The following OSBPL7 variants were observed in gnomAD, a reference collection of about 807,000 sequenced individuals.
The protein encoded by OSBPL7 is oxysterol binding protein like 7, also known as oxysterol-binding protein-related protein 7.
Under a neutral mutation model 115.8 loss-of-function variants are expected in OSBPL7, and 66 were observed. The ratio of observed to expected loss-of-function variants is 0.57; its 90% CI spans 0.47 to 0.70. The LOEUF is 0.70. OSBPL7 is among the 30% of genes least tolerant of loss of function. The pLI is 0.00. For synonymous variants in OSBPL7, 441 were observed against 439.2 expected (o/e 1.00, Z -0.05); for missense variants, 902 against 1,125.5 (o/e 0.80, Z 2.84).
rs182804531 is a variant in OSBPL7 at position 47,808,767 on chromosome 17, T to C, written c.2297+97A>G. ...GTCCTCTAGACAAGCCCCACTTCTC[T>C]GAGGCCACTCAGTGAAGGAAGGACA... On this transcript the variant is annotated intron_variant, in intron 21 of 22. Coordinates refer to ENST00000007414, the MANE Select transcript of OSBPL7 (RefSeq NM_145798.3). The surrounding 1 kb of genome is among the most constrained non-coding windows in gnomAD (Gnocchi z 6.1). 13 of 1,602,374 alleles carry C rather than the reference T, an allele frequency of 8.1e-6. No individual in the cohort carries two copies. The East Asian group carries it at 1.1e-4, about 14-fold the overall frequency.
Position 47,817,249 on chromosome 17 carries a change from A to T in OSBPL7, c.702+7T>A, listed in dbSNP as rs1205219119. On this transcript the variant is annotated splice_region_variant and intron_variant, in intron 8 of 22. Transcript: ENST00000007414. ...AGCAGGACCCTGTGTGTACCCCTGGATCTTACCTGGTGTGTGGGGATAACA... is the reference window on the plus strand; with the variant it reads ...AGCAGGACCCTGTGTGTACCCCTGGTTCTTACCTGGTGTGTGGGGATAACA... The T allele has an allele frequency of 1.3e-6, 2 of 1,583,466 alleles. No individual in the cohort carries two copies. Among genetic ancestry groups the T allele is most frequent in the African/African-American group, 2.7e-5 (2 of 72,768 alleles).
intron 16 of OSBPL7, 45 bp from the exon 17 acceptor site, chr17:47,810,880 T>C: frequency 6.3e-7 from 1 of 1,588,602 alleles, no homozygotes; most frequent in Non-Finnish European, 8.6e-7. Flanking sequence ...CCGAGCACCA[T>C]TAGGCTACCC....
At chr17:47,819,812 C>G (rs778579076) in intron 3 of OSBPL7, 30 bp from the exon 4 acceptor site, 6 of 1,613,864 alleles carry the variant, frequency 3.7e-6, no homozygotes, top group Non-Finnish European at 5.1e-6. Context: ...TGACAGGACC[C>G]GGGAGGCCGA....
At chr17:47,818,452 G>A in intron 6 of OSBPL7, 54 bp downstream of exon 6, 1 of 1,589,468 alleles carries the variant, frequency 6.3e-7, no homozygotes, top group Non-Finnish European at 8.6e-7. Flanking sequence ...GTTCTCCATA[G>A]CCCTTGCCCC....
chr17:47,814,379 C>T, intron 14 of OSBPL7, 142 bp downstream of exon 14: 3 of 741,418 alleles, frequency 4.0e-6, no homozygotes, highest in Non-Finnish European at 6.6e-6. Flanking sequence ...ACCTGGCCTT[C>T]CTTAGCTCCT....
chr17:47,814,653 T>TC lies in OSBPL7; in HGVS notation c.1258-40dup, dbSNP rs749018458. 6 of 1,589,862 alleles carry TC rather than the reference T, an allele frequency of 3.8e-6. No homozygotes were observed. In the African/African-American group the frequency reaches 5.4e-5, roughly 14 times the overall value. ...GATGACAGGCCGGGCAGACTGGGCC[T>TC]CCCCCGGGCAGCTGGGCAGTGCCCA... On this transcript the variant is annotated intron_variant, in intron 13 of 22. Transcript: ENST00000007414.
chr17:47,809,532 G>A (rs562489973), intron 18 of OSBPL7, 54 bp from the exon 19 acceptor site: 1 of 1,579,112 alleles, frequency 6.3e-7, no homozygotes, highest in East Asian at 2.3e-5. Flanking sequence ...GAACAAGTGA[G>A]TCAGGGGCCT....
chr17:47,809,909 T>TTTTTTG (rs2032985802), intron 18 of OSBPL7, among the ~76,000 whole-genome samples: 1 of 126,970 alleles, frequency 7.9e-6, no homozygotes, highest in Non-Finnish European at 1.7e-5. Context: ...TTCTTTTCTT[T>TTTTTTG]TCTTTTTTTT....
At position 47,818,628 on chromosome 17, in the gene OSBPL7, A is replaced by G. The variant is rs892809170; in HGVS notation, c.370-12T>C. 3 of 1,607,804 alleles carry G rather than the reference A, an allele frequency of 1.9e-6. No homozygotes were observed. The highest frequency in any genetic ancestry group is 2.6e-6 in the Non-Finnish European group (3 of 1,176,438). On this transcript the variant is annotated splice_polypyrimidine_tract_variant and intron_variant, in intron 5 of 22. Coordinates refer to ENST00000007414, the MANE Select transcript of OSBPL7 (RefSeq NM_145798.3). ...TCCTGGGATTTGATCTGCAGAAGTGATGGAGAGGGGGAGGGCTATCTGAAG... is the reference window on the plus strand; with the variant it reads ...TCCTGGGATTTGATCTGCAGAAGTGGTGGAGAGGGGGAGGGCTATCTGAAG...
intron 2 of OSBPL7, 32 bp downstream of exon 2, chr17:47,820,172 G>A (rs1453733156): frequency 6.2e-7 from 1 of 1,613,580 alleles, no homozygotes; most frequent in East Asian, 2.2e-5. Flanking sequence ...TTCCAGCTTG[G>A]CCCACCCACC....
chr17:47,808,054 G>T lies in OSBPL7; in HGVS notation c.*237C>A. 1 of 568,474 alleles carries T rather than the reference G, an allele frequency of 1.8e-6. No homozygotes were observed. Among genetic ancestry groups the T allele is most frequent in the Non-Finnish European group, 3.2e-6 (1 of 316,730 alleles). The allele number at this position is 568,474 out of a possible 1,614,324, so 35.2% of individuals were successfully genotyped here. On this transcript the variant is annotated 3_prime_UTR_variant, in exon 23 of 23. Transcript: ENST00000007414. The surrounding 1 kb of genome is among the most constrained non-coding windows in gnomAD (Gnocchi z 6.1). ...TGAAGCGGGAAGGGTCTTACATGCT[G>T]GTTGTCTGGGGCAAGGAGACTGGGG...
chr17:47,818,601 G>C lies in OSBPL7; in HGVS notation c.385C>G (p.Leu129Val). ...IYHLKIKSQD[L>V]FQSWVAQLRA... is the part of the protein sequence containing the mutation. ...AGCTGCGCCACCCAGCTCTGGAATA[G>C]GTCCTGGGATTTGATCTGCAGAAGT... The change falls in exon 6 of 23, where the codon CTA becomes GTA. Residue 129 changes from leucine to valine, a missense_variant. By Grantham distance (32) the Leu-to-Val change is conservative (BLOSUM62 1). This residue lies in a region of OSBPL7 where 667 missense variants were observed against 788.7 expected (regional missense o/e 0.85). Coordinates refer to ENST00000007414, the MANE Select transcript of OSBPL7 (RefSeq NM_145798.3). 6.2e-7 allele frequency: 1 copy of C among 1,612,862 alleles called. No individual in the cohort carries two copies. The highest frequency in any genetic ancestry group is 8.5e-7 in the Non-Finnish European group (1 of 1,179,806).
chr17:47,818,808 T>C (rs1294640002), intron 5 of OSBPL7, among the ~76,000 whole-genome samples, 178 bp downstream of exon 5: 1 of 152,262 alleles, frequency 6.6e-6, no homozygotes, highest in African/African-American at 2.4e-5. Context: ...TGCCTGTCCA[T>C]ACAACAACCA....
intron 12 of OSBPL7, 119 bp downstream of exon 12, chr17:47,815,988 G>C: frequency 1.3e-6 from 1 of 769,508 alleles, no homozygotes; most frequent in Non-Finnish European, 2.1e-6. Flanking sequence ...AATGGAGCCA[G>C]GATTTTTGGG....
chr17:47,809,020 G>A (rs770415615), intron 20 of OSBPL7, 30 bp from the exon 21 acceptor site: 2 of 1,613,686 alleles, frequency 1.2e-6, no homozygotes, highest in East Asian at 2.2e-5. Flanking sequence ...TGGGGCAGGT[G>A]CACCATGCCT....
Position 47,816,955 on chromosome 17 carries a change from G to T in OSBPL7, c.703-83C>A. 1 of 1,329,918 alleles carries T rather than the reference G, an allele frequency of 7.5e-7. No homozygotes were observed. The highest frequency in any genetic ancestry group is 1.1e-6 in the Non-Finnish European group (1 of 924,770). 82.4% of individuals were successfully genotyped at this position (1,329,918 alleles called of 1,614,324 possible). A position where few individuals can be genotyped will look rare whatever the true frequency, so the allele number is the denominator to read the frequency against. On this transcript the variant is annotated intron_variant, in intron 8 of 22. Coordinates refer to ENST00000007414, the MANE Select transcript of OSBPL7 (RefSeq NM_145798.3). The surrounding 1 kb of genome is among the most constrained non-coding windows in gnomAD (Gnocchi z 5.8). ...CATCACAGCCTGGGAGAGGTAGACG[G>T]CCTCCTGCGCCATGGAGGAGGGCGC...
chr17:47,810,235 C>A (rs2032997391), intron 18 of OSBPL7, among the ~76,000 whole-genome samples: 2 of 152,086 alleles, frequency 1.3e-5, no homozygotes, highest in African/African-American at 2.4e-5. Flanking sequence ...GTCTGTGACC[C>A]CTGAGTCCTG....
chr17:47,820,455 C>A (rs1381511161), intron 1 of OSBPL7, 90 bp from the exon 2 acceptor site: 17 of 611,322 alleles, frequency 2.8e-5, no homozygotes, highest in Non-Finnish European at 4.6e-5. Flanking sequence ...GATAAGGGCT[C>A]CCCAACATAC....
intron 12 of OSBPL7, chr17:47,815,865 A>C: frequency 2.2e-6 from 1 of 445,350 alleles, no homozygotes. Flanking sequence ...CAGTTTTGTT[A>C]TGCTGAGGGT....
Sources: gnomAD v4.1 joint callset for allele counts (sites outside exome capture counted in the v4.1 genomes callset) on GRCh38, gnomAD v4.1.1 for gene constraint, gnomAD v4.1.1 regional missense constraint, Gnocchi (gnomAD v3.1) non-coding constraint, MANE v1.5 for transcripts, NCBI Gene and HGNC (gene_info 2026-07-23, HGNC 2026-07-21) for gene names.